Variants in MAP2K4 observed in about 807,000 individuals in gnomAD.
MAP2K4 encodes the protein dual specificity mitogen-activated protein kinase kinase 4.
Under a neutral mutation model 48.5 loss-of-function variants are expected in MAP2K4, and 4 were observed. That is an observed-to-expected ratio of 0.08 (90% CI 0.04 to 0.19). MAP2K4 has a LOEUF of 0.19. Ranked by LOEUF, MAP2K4 falls within the 10% of genes least tolerant of loss-of-function variation. The pLI is 1.00. For missense variants in MAP2K4, 258 were observed against 493.3 expected (o/e 0.52, Z 4.52); for synonymous variants, 166 against 173.1 (o/e 0.96, Z 0.32).
intron 2 of MAP2K4, among the ~76,000 whole-genome samples, chr17:12,063,261 A>G (rs1307731614): frequency 1.3e-5 from 2 of 152,164 alleles, no homozygotes; most frequent in Non-Finnish European, 2.9e-5. Context: ...TGCAAGCTAC[A>G]GTAATTAAGG....
At chr17:12,129,748 A>T (rs1308671227) in intron 9 of MAP2K4, among the ~76,000 whole-genome samples, 1 of 152,222 alleles carries the variant, frequency 6.6e-6, no homozygotes, top group Non-Finnish European at 1.5e-5. Context: ...GTAGGGTCAC[A>T]TCCACACGCA....
intron 1 of MAP2K4, among the ~76,000 whole-genome samples, chr17:12,039,290 T>C (rs1453566074): frequency 6.6e-6 from 1 of 152,200 alleles, no homozygotes; most frequent in Non-Finnish European, 1.5e-5. Flanking sequence ...GTACAGACTG[T>C]CATAAGAACA....
At chr17:12,095,333 T>C (rs1020685999) in intron 3 of MAP2K4, 1 of 495,118 alleles carries the variant, frequency 2.0e-6, no homozygotes, top group South Asian at 2.1e-5. Flanking sequence ...TATTAGTAAA[T>C]GCTCATGGTT....
chr17:12,041,195 AG>A (rs1440414715), intron 1 of MAP2K4, among the ~76,000 whole-genome samples: 3 of 152,242 alleles, frequency 2.0e-5, no homozygotes, highest in Non-Finnish European at 2.9e-5. Flanking sequence ...AGGAAATAAA[AG>A]TGTCATTCAC....
At chr17:12,119,765 G>A (rs1455335332) in intron 7 of MAP2K4, among the ~76,000 whole-genome samples, 2 of 152,162 alleles carry the variant, frequency 1.3e-5, no homozygotes, top group African/African-American at 4.8e-5. Context: ...GTGGAAGACT[G>A]GATAAAGAAA....
In MAP2K4 at chr17:12,087,257, T is replaced by C. The variant is rs1053249080; in HGVS notation, c.393+5727T>C. On this transcript the variant is annotated intron_variant, in intron 3 of 10. Coordinates refer to ENST00000353533, the MANE Select transcript of MAP2K4 (RefSeq NM_003010.4). ...CTTTGTCATCTTATGGCTATGCCTC[T>C]GAAATTTGTTGTATATGTCAGATTT... Among the ~76,000 whole-genome samples the C allele has an allele frequency of 3.3e-5, 5 of 152,350 alleles. No homozygotes were observed. In the East Asian group the frequency reaches 9.6e-4, roughly 29 times the overall value.
chr17:12,052,036 C>T (rs1970157498), intron 1 of MAP2K4, among the ~76,000 whole-genome samples: 1 of 152,026 alleles, frequency 6.6e-6, no homozygotes, highest in Non-Finnish European at 1.5e-5. Flanking sequence ...CATTTTGGGG[C>T]CTTCCTTTTC....
chr17:12,095,925 G>GTA (rs1971732396), intron 4 of MAP2K4, among the ~76,000 whole-genome samples: 1 of 144,614 alleles, frequency 6.9e-6, no homozygotes, highest in African/African-American at 2.5e-5. Context: ...GTGTGTGTGT[G>GTA]TGTATTTTAG....
At chr17:12,107,681 T>A in intron 4 of MAP2K4, 109 bp from the exon 5 acceptor site, 1 of 958,808 alleles carries the variant, frequency 1.0e-6, no homozygotes, top group Non-Finnish European at 1.6e-6. Flanking sequence ...AGTTTGACAT[T>A]TGAAATAAGC....
At chr17:12,106,922 G>A (rs1972134206) in intron 4 of MAP2K4, among the ~76,000 whole-genome samples, 1 of 151,620 alleles carries the variant, frequency 6.6e-6, no homozygotes, top group Non-Finnish European at 1.5e-5. Flanking sequence ...ATAGTTCCTC[G>A]GTTTCTAGTT....
intron 4 of MAP2K4, among the ~76,000 whole-genome samples, chr17:12,103,550 A>G (rs933342794): frequency 6.6e-6 from 1 of 152,076 alleles, no homozygotes; most frequent in African/African-American, 2.4e-5. Flanking sequence ...CAGCTACCCA[A>G]ATCCTATATT....
intron 1 of MAP2K4, chr17:12,036,704 T>C (rs1969609806): frequency 7.9e-6 from 1 of 126,948 alleles, no homozygotes; most frequent in Non-Finnish European, 1.8e-5. Flanking sequence ...GTCAGCATTC[T>C]AATTTTTTTT....
At chr17:12,070,348 A>G (rs1392374376) in intron 2 of MAP2K4, among the ~76,000 whole-genome samples, 2 of 152,280 alleles carry the variant, frequency 1.3e-5, no homozygotes, top group East Asian at 3.9e-4. Flanking sequence ...CAGGATATTA[A>G]ACAAGGAGGT....
intron 10 of MAP2K4, 65 bp from the exon 11 acceptor site, chr17:12,141,082 T>C (rs1197224608): frequency 9.5e-6 from 9 of 950,082 alleles, no homozygotes; most frequent in South Asian, 2.6e-5. Context: ...CTATAGAAAT[T>C]GGAAAATGTT....
chr17:12,042,578 C>G (rs1190621394), intron 1 of MAP2K4, among the ~76,000 whole-genome samples: 1 of 151,868 alleles, frequency 6.6e-6, no homozygotes, highest in Non-Finnish European at 1.5e-5. Context: ...GAGGTGAAAG[C>G]CGCAGTGAGA....
chr17:12,039,122 A>C (rs1049766910), intron 1 of MAP2K4, among the ~76,000 whole-genome samples: 2 of 152,214 alleles, frequency 1.3e-5, no homozygotes. Flanking sequence ...TGAAAACCTA[A>C]AACTCTCCTG....
At chr17:12,093,640 T>C (rs1010437950) in intron 3 of MAP2K4, among the ~76,000 whole-genome samples, 11 of 152,322 alleles carry the variant, frequency 7.2e-5, no homozygotes, top group Middle Eastern at 3.4e-3. Flanking sequence ...ATATATCCAT[T>C]TGCCAATATA....
Position 12,116,553 on chromosome 17 carries a change from AG to A in MAP2K4, c.813+3194del, listed in dbSNP as rs534649199. 2.3e-3 allele frequency among the ~76,000 whole-genome samples: 348 copies of A among 152,330 alleles called. 1 individual carries two copies. Among genetic ancestry groups the A allele is most frequent in the African/African-American group, 7.9e-3 (329 of 41,588 alleles). On this transcript the variant is annotated intron_variant, in intron 7 of 10. Coordinates refer to ENST00000353533, the MANE Select transcript of MAP2K4 (RefSeq NM_003010.4). ...AGCTTAAAACACAAACACACTGTAC[AG>A]CCGTACAAAAATATTTTCTTTCTTT... is the stretch of plus-strand genomic sequence containing the variant.
intron 2 of MAP2K4, among the ~76,000 whole-genome samples, chr17:12,077,956 T>C (rs1440954499): frequency 6.6e-6 from 1 of 152,194 alleles, no homozygotes; most frequent in Non-Finnish European, 1.5e-5. Flanking sequence ...GTCTCTCTTC[T>C]TGTAAGGACA....
Sources: allele counts gnomAD v4.1 joint callset (sites outside exome capture counted in the v4.1 genomes callset), GRCh38; gene constraint gnomAD v4.1.1; transcripts MANE v1.5; gene names NCBI Gene and HGNC (gene_info 2026-07-23, HGNC 2026-07-21).